Variants in SGCE observed in about 807,000 individuals in gnomAD.
The protein encoded by SGCE is epsilon-sarcoglycan.
Under a neutral mutation model 57.8 loss-of-function variants are expected in SGCE, and 26 were observed. The ratio of observed to expected loss-of-function variants is 0.45; its 90% CI spans 0.33 to 0.62. The LOEUF is 0.62. SGCE is among the 20% of genes least tolerant of loss of function. The pLI, the probability that SGCE is intolerant of heterozygous loss-of-function variation, is 0.02. For synonymous variants in SGCE, 183 were observed against 189.5 expected (o/e 0.97, Z 0.28); for missense variants, 468 against 548.6 (o/e 0.85, Z 1.47).
At chr7:94,634,956 A>C (rs1405085538) in intron 1 of SGCE, among the ~76,000 whole-genome samples, 1 of 152,232 alleles carries the variant, frequency 6.6e-6, no homozygotes, top group Non-Finnish European at 1.5e-5. Flanking sequence ...TACATATTCG[A>C]TATGTGGGAA....
At chr7:94,603,577 G>A in intron 5 of SGCE, 125 bp from the exon 6 acceptor site, 1 of 843,958 alleles carries the variant, frequency 1.2e-6, no homozygotes, top group Non-Finnish European at 1.9e-6. Flanking sequence ...CCCTGAGGTA[G>A]GGGCCTCGGC....
At chr7:94,642,279 T>A (rs1584754199) in intron 1 of SGCE, among the ~76,000 whole-genome samples, 1 of 152,226 alleles carries the variant, frequency 6.6e-6, no homozygotes, top group African/African-American at 2.4e-5. Flanking sequence ...ACGGAAGTTA[T>A]GTATTTTTAA....
chr7:94,589,574 T>C (rs1051311927), intron 9 of SGCE: 3 of 152,358 alleles, frequency 2.0e-5, no homozygotes, highest in Admixed American at 2.0e-4. Context: ...GCCTCATCTG[T>C]ATTTACAGGT....
intron 10 of SGCE, chr7:94,587,777 C>A (rs760331718): frequency 7.1e-6 from 11 of 1,546,960 alleles, no homozygotes. Flanking sequence ...ATTATACTTG[C>A]CTCAAATCTT....
intron 3 of SGCE, 73 bp from the exon 4 acceptor site, chr7:94,623,470 T>C (rs890875355): frequency 1.3e-5 from 12 of 940,182 alleles, no homozygotes; most frequent in Middle Eastern, 2.4e-4. Context: ...AGGATTAAAA[T>C]GAAAACAAAT....
Position 94,623,350 on chromosome 7 carries a change from C to A in SGCE, c.438G>T (p.Leu146Phe). ...RRTFETARHNLIINIMSAEDF... is the reference protein window; with the variant it reads ...RRTFETARHNFIINIMSAEDF... ...CTTCTGCAGACATTATATTAATTAT[C>A]AAATTATGCCTTGCAGTCTCAAAGG... is the stretch of plus-strand genomic sequence containing the variant. The change falls in exon 4 of 11, where the codon TTG (leucine) becomes TTT (phenylalanine). Residue 146 changes from leucine (L) to phenylalanine (F), a missense_variant. Transcript: ENST00000648936. The A allele has an allele frequency of 6.2e-7, 1 of 1,602,798 alleles. No homozygotes were observed. The highest frequency in any genetic ancestry group is 8.5e-7 in the Non-Finnish European group (1 of 1,171,486).
chr7:94,610,344 TA>T (rs1800820881), intron 5 of SGCE, among the ~76,000 whole-genome samples: 2 of 152,162 alleles, frequency 1.3e-5, no homozygotes, highest in African/African-American at 4.8e-5. Context: ...ACACCTAATG[TA>T]AGGTAGGGAC....
At chr7:94,628,161 C>CAA (rs1562863555) in intron 3 of SGCE, 41 bp downstream of exon 3, 1 of 1,488,784 alleles carries the variant, frequency 6.7e-7, no homozygotes, top group Admixed American at 1.7e-5. Flanking sequence ...CACACACACA[C>CAA]ACATATATGT....
At position 94,643,913 on chromosome 7, in the gene SGCE, A is replaced by G. The variant is rs142804337; in HGVS notation, c.109+12077T>C. On this transcript the variant is annotated intron_variant, in intron 1 of 10. Transcript: ENST00000648936. Reference sequence around the variant, plus strand: ...ATTTAAAATATGTATCCTACCTACAACTTTTCAAGATTAAATCTAATGTGT... The same window carrying G: ...ATTTAAAATATGTATCCTACCTACAGCTTTTCAAGATTAAATCTAATGTGT... 1.7e-3 allele frequency among the ~76,000 whole-genome samples: 257 copies of G among 152,276 alleles called. 5 individuals are homozygous for G. In the East Asian group the frequency reaches 0.039, roughly 23 times the overall value.
chr7:94,642,239 G>T, intron 1 of SGCE, among the ~76,000 whole-genome samples: 1 of 152,042 alleles, frequency 6.6e-6, no homozygotes, highest in South Asian at 2.1e-4. Flanking sequence ...CCAATCTTAT[G>T]AATTTCTCTA....
At chr7:94,648,613 G>A (rs1046278043) in intron 1 of SGCE, among the ~76,000 whole-genome samples, 3 of 151,938 alleles carry the variant, frequency 2.0e-5, no homozygotes, top group Non-Finnish European at 4.4e-5. Flanking sequence ...TTTCTACTTC[G>A]GCAGTACTGG....
chr7:94,604,435 A>G (rs865996751), intron 5 of SGCE, among the ~76,000 whole-genome samples: 1 of 146,314 alleles, frequency 6.8e-6, no homozygotes, highest in Non-Finnish European at 1.5e-5. Context: ...CACACACACA[A>G]ATTTGGATAA....
chr7:94,625,941 A>T (rs529724561), intron 3 of SGCE: 3 of 152,220 alleles, frequency 2.0e-5, no homozygotes, highest in Admixed American at 2.0e-4. Flanking sequence ...AATAAGGTAC[A>T]GGGATACTCA....
At chr7:94,628,581 C>A in intron 2 of SGCE, 1 of 521,242 alleles carries the variant, frequency 1.9e-6, no homozygotes, top group South Asian at 2.2e-5. Context: ...ACAAAGAAAG[C>A]AGATTCATAC....
intron 1 of SGCE, among the ~76,000 whole-genome samples, chr7:94,638,666 G>T (rs796847671): frequency 6.6e-6 from 1 of 151,674 alleles, no homozygotes; most frequent in Non-Finnish European, 1.5e-5. Context: ...AATATTAAGT[G>T]CAAGTTCATA....
intron 4 of SGCE, chr7:94,619,888 G>A (rs1468164784): frequency 6.6e-6 from 1 of 152,136 alleles, no homozygotes; most frequent in Admixed American, 6.5e-5. Flanking sequence ...TATGCTAAAA[G>A]AGACTGCATA....
intron 1 of SGCE, 87 bp from the exon 2 acceptor site, chr7:94,629,928 G>C (rs759914319): frequency 1.8e-5 from 27 of 1,485,550 alleles, no homozygotes; most frequent in Non-Finnish European, 2.4e-5. Flanking sequence ...TTATAAAGAG[G>C]GGTCTCACTA....
chr7:94,612,025 C>T (rs1386744561), intron 5 of SGCE, among the ~76,000 whole-genome samples: 2 of 152,132 alleles, frequency 1.3e-5, no homozygotes, highest in Non-Finnish European at 1.5e-5. Context: ...TTAAGCCTTG[C>T]ATACATTCAG....
intron 1 of SGCE, chr7:94,639,243 A>G: frequency 1.3e-6 from 1 of 756,672 alleles, no homozygotes; most frequent in Non-Finnish European, 2.1e-6. Context: ...AACAACAACA[A>G]CAAAAAGCCA....
Sources: allele counts gnomAD v4.1 joint callset (sites outside exome capture counted in the v4.1 genomes callset), GRCh38; gene constraint gnomAD v4.1.1; transcripts MANE v1.5; gene names NCBI Gene and HGNC (gene_info 2026-07-23, HGNC 2026-07-21).